The following PRMT2 variants were observed in gnomAD, a reference collection of about 807,000 sequenced individuals.
The protein encoded by PRMT2 is protein arginine N-methyltransferase 2.
In PRMT2, 26 loss-of-function variants were observed where a neutral mutation model predicts 57.6. The ratio of observed to expected loss-of-function variants is 0.45; its 90% CI spans 0.33 to 0.63. PRMT2 has a LOEUF of 0.63. PRMT2 is among the 20% of genes least tolerant of loss of function. The pLI, the probability that PRMT2 is intolerant of heterozygous loss-of-function variation, is 0.02. For missense variants in PRMT2, 472 were observed against 564.4 expected (o/e 0.84, Z 1.66); for synonymous variants, 219 against 220.0 (o/e 1.00, Z 0.04).
intron 8 of PRMT2, chr21:46,659,238 G>A (rs958509196): frequency 3.3e-5 from 36 of 1,078,000 alleles, no homozygotes; most frequent in Non-Finnish European, 3.7e-5. Flanking sequence ...GTTCTCTCAC[G>A]CCATACGTGA....
chr21:46,650,018 T>A (rs2839373), intron 7 of PRMT2: 7 of 1,380,706 alleles, frequency 5.1e-6, no homozygotes, highest in African/African-American at 1.5e-5. Context: ...TCTGTAAAAA[T>A]CCTGTGCCTA....
rs1378203560 is a variant in PRMT2 at position 46,665,000 on chromosome 21, T to A, written c.*673T>A. 6.6e-6 allele frequency: 1 copy of A among 152,358 alleles called. No homozygotes were observed. Among genetic ancestry groups the A allele is most frequent in the Non-Finnish European group, 1.5e-5 (1 of 68,126 alleles). The allele number at this position is 152,358 out of a possible 1,614,324, so 9.4% of individuals were successfully genotyped here. ...TATGTTATTTTTTGTAATTACAGGA[T>A]CATACTATATGCATTGCTTTATAAG... is the stretch of plus-strand genomic sequence containing the variant. On this transcript the variant is annotated 3_prime_UTR_variant, in exon 12 of 12. Transcript: ENST00000355680.
intron 10 of PRMT2, among the ~76,000 whole-genome samples, chr21:46,662,276 T>G (rs1313137604): frequency 6.6e-6 from 1 of 152,064 alleles, no homozygotes; most frequent in Non-Finnish European, 1.5e-5. Flanking sequence ...CCACGGGGCG[T>G]CGGGGTTCAC....
At chr21:46,639,716 G>GTA (rs1368305852) in intron 3 of PRMT2, among the ~76,000 whole-genome samples, 2 of 150,580 alleles carry the variant, frequency 1.3e-5, no homozygotes, top group African/African-American at 2.4e-5. Flanking sequence ...GTTTGTGTGT[G>GTA]TGTGTGTGTG....
At position 46,661,843 on chromosome 21, in the gene PRMT2, CCCTGCACG is replaced by C. The variant is rs1569165672; in HGVS notation, c.1005_1012del (p.Phe339LeufsTer3). Reference sequence around the variant, plus strand: ...CGCTTCGACATCAGGAAGGCGGGGACCCTGCACGGCTTCACGGCCTGGTTTAGCGTCCA... The same window carrying C: ...CGCTTCGACATCAGGAAGGCGGGGACGCTTCACGGCCTGGTTTAGCGTCCA... On this transcript the variant is annotated frameshift_variant, in exon 10 of 12. Transcript: ENST00000355680. LOFTEE classifies it high-confidence loss of function. 1 of 1,511,354 alleles carries C rather than the reference CCCTGCACG, an allele frequency of 6.6e-7. No individual in the cohort carries two copies. The highest frequency in any genetic ancestry group is 1.4e-5 in the African/African-American group (1 of 69,820). 93.6% of individuals were successfully genotyped at this position (1,511,354 alleles called of 1,614,324 possible).
intron 8 of PRMT2, chr21:46,659,807 A>G (rs2061593268): frequency 2.0e-6 from 2 of 985,452 alleles, no homozygotes; most frequent in Non-Finnish European, 2.4e-6. Context: ...ATTGCTGTAT[A>G]TCCATCTGGT....
chr21:46,660,036 C>T (rs11543056), intron 8 of PRMT2: 2 of 983,608 alleles, frequency 2.0e-6, no homozygotes, highest in East Asian at 2.3e-4. Flanking sequence ...TTAAGCTTTT[C>T]TTTATACTTG....
At chr21:46,638,185 AGT>A (rs1398361348) in intron 3 of PRMT2, among the ~76,000 whole-genome samples, 2 of 152,180 alleles carry the variant, frequency 1.3e-5, no homozygotes, top group African/African-American at 2.4e-5. Flanking sequence ...TCATACTGTC[AGT>A]GTCACCTGTA....
At chr21:46,643,416 A>G in intron 3 of PRMT2, 119 bp from the exon 4 acceptor site, 2 of 1,332,756 alleles carry the variant, frequency 1.5e-6, no homozygotes. Flanking sequence ...AGTTTGTATA[A>G]TAAATACTTG....
chr21:46,654,072 T>C (rs905491348), intron 7 of PRMT2: 20 of 987,516 alleles, frequency 2.0e-5, no homozygotes, highest in Non-Finnish European at 1.9e-5. Context: ...TGGTGGGTGC[T>C]GAGACTGCAG....
At chr21:46,643,419 A>G in intron 3 of PRMT2, 116 bp from the exon 4 acceptor site, 1 of 1,338,046 alleles carries the variant, frequency 7.5e-7, no homozygotes, top group East Asian at 2.7e-5. Flanking sequence ...TTGTATAATA[A>G]ATACTTGGAC....
intron 7 of PRMT2, among the ~76,000 whole-genome samples, chr21:46,656,376 G>A (rs968191414): frequency 1.3e-5 from 2 of 152,178 alleles, no homozygotes; most frequent in African/African-American, 4.8e-5. Context: ...ACACAAAAAT[G>A]GACTAAGAGA....
At chr21:46,662,878 G>A (rs1299814354) in intron 10 of PRMT2, among the ~76,000 whole-genome samples, 2 of 152,208 alleles carry the variant, frequency 1.3e-5, no homozygotes, top group Non-Finnish European at 2.9e-5. Flanking sequence ...CCTTGGACCT[G>A]ATTCTGTCTG....
In PRMT2 at chr21:46,664,280, A is replaced by G. The variant is rs1195296734; in HGVS notation, c.1270-15A>G. 1 of 1,594,628 alleles carries G rather than the reference A, an allele frequency of 6.3e-7. No individual in the cohort carries two copies. Among genetic ancestry groups the G allele is most frequent in the Admixed American group, 1.7e-5 (1 of 60,010 alleles). On this transcript the variant is annotated splice_polypyrimidine_tract_variant and intron_variant, in intron 11 of 11. Coordinates refer to ENST00000355680, the MANE Select transcript of PRMT2 (RefSeq NM_206962.4). ...TTTATCATCTGATTGACCTGTTGTC[A>G]TTTATCTTTTTCAGGTTGGAGAAAA...
chr21:46,654,865 A>C (rs1265872153), intron 7 of PRMT2: 1 of 982,706 alleles, frequency 1.0e-6, no homozygotes, highest in Non-Finnish European at 1.2e-6. Context: ...CCAAGAAACA[A>C]CTGTATTCCT....
At chr21:46,661,777 G>C (rs969047484) in intron 9 of PRMT2, 23 bp from the exon 10 acceptor site, 3 of 1,349,414 alleles carry the variant, frequency 2.2e-6, no homozygotes, top group Non-Finnish European at 2.9e-6. Context: ...GCCCACGCGT[G>C]CCTTGTCATC....
At chr21:46,637,822 G>C (rs184980636) in intron 3 of PRMT2, among the ~76,000 whole-genome samples, 113 of 151,878 alleles carry the variant, frequency 7.4e-4, no homozygotes, top group Non-Finnish European at 1.3e-3. Flanking sequence ...AAATACTGTC[G>C]GGTGTGTCTG....
At chr21:46,652,901 G>T (rs755506918) in intron 7 of PRMT2, 2 of 1,303,136 alleles carry the variant, frequency 1.5e-6, no homozygotes, top group Non-Finnish European at 2.0e-6. Context: ...CGAGAAGCAG[G>T]TTGCACACTC....
At chr21:46,662,465 C>T (rs886677114) in intron 10 of PRMT2, among the ~76,000 whole-genome samples, 1 of 152,196 alleles carries the variant, frequency 6.6e-6, no homozygotes, top group Non-Finnish European at 1.5e-5. Context: ...GAGGGGACCC[C>T]GGCTCCAGGG....
Sources: allele counts gnomAD v4.1 joint callset (sites outside exome capture counted in the v4.1 genomes callset), GRCh38; gene constraint gnomAD v4.1.1; transcripts MANE v1.5; gene names NCBI Gene and HGNC (gene_info 2026-07-23, HGNC 2026-07-21).